UNC13C: variants seen among roughly 807,000 people sequenced by gnomAD.
UNC13C encodes unc-13 homolog C, also known as protein unc-13 homolog C.
In UNC13C, 174 loss-of-function variants were observed where a neutral mutation model predicts 245.4. The ratio of observed to expected loss-of-function variants is 0.71; its 90% CI spans 0.63 to 0.80. The LOEUF is 0.80. Ranked by LOEUF, UNC13C falls within the 30% of genes least tolerant of loss-of-function variation. The pLI is 0.00. For synonymous variants in UNC13C, 992 were observed against 895.1 expected (o/e 1.11, Z -1.93); for missense variants, 2,829 against 2,602.9 (o/e 1.09, Z -1.89).
At chr15:54,552,551 G>A (rs181757258) in intron 28 of UNC13C, among the ~76,000 whole-genome samples, 37,686 of 57,998 alleles carry the variant, frequency 0.65, 11,291 homozygotes, top group African/African-American at 0.83. Context: ...ATATTATATT[G>A]TATATAATTA....
intron 22 of UNC13C, among the ~76,000 whole-genome samples, chr15:54,504,506 C>G (rs114468753): frequency 3.5e-4 from 53 of 152,286 alleles, no homozygotes; most frequent in African/African-American, 1.2e-3. Flanking sequence ...AAACTATACT[C>G]ACTTCTCATT....
chr15:54,066,442 T>C (rs1436569226), intron 2 of UNC13C, among the ~76,000 whole-genome samples: 1 of 152,238 alleles, frequency 6.6e-6, no homozygotes, highest in Non-Finnish European at 1.5e-5. Flanking sequence ...TCAAACATTT[T>C]GTTTTTTCAG....
intron 5 of UNC13C, 112 bp downstream of exon 5, chr15:54,235,220 A>C: frequency 2.4e-6 from 2 of 844,252 alleles, no homozygotes. Context: ...ATGGAATAAA[A>C]ATATATGAGG....
intron 2 of UNC13C, among the ~76,000 whole-genome samples, chr15:54,104,959 TG>T (rs1287251191): frequency 5.9e-5 from 9 of 152,156 alleles, no homozygotes; most frequent in African/African-American, 2.2e-4. Context: ...TATATGTGTT[TG>T]TTTGAAAGTG....
At chr15:53,957,884 G>T in the UNC13C span, among the ~76,000 whole-genome samples, 2 of 152,156 alleles carry the variant, frequency 1.3e-5, no homozygotes, top group Admixed American at 6.5e-5. Context: ...TAGTCTAGAG[G>T]TTAACAGAGG....
rs2038501147 is a variant in UNC13C, at chr15:54,333,750, G to A, written c.4495-17G>A. 1 of 1,565,200 alleles carries A rather than the reference G, an allele frequency of 6.4e-7. No homozygotes were observed. Among genetic ancestry groups the A allele is most frequent in the Non-Finnish European group, 8.7e-7 (1 of 1,146,378 alleles). ...TACTGCTGACAACCTTATCCATTTT[G>A]TTTCCTAATTAACCAGGAAAACTTT... On this transcript the variant is annotated splice_polypyrimidine_tract_variant and intron_variant, in intron 15 of 32. Transcript: ENST00000260323.
At chr15:54,585,835 C>T (rs751973968) in intron 30 of UNC13C, among the ~76,000 whole-genome samples, 7 of 152,220 alleles carry the variant, frequency 4.6e-5, no homozygotes, top group Non-Finnish European at 1.0e-4. Context: ...TAAACAATAA[C>T]TTGTCCTCAA....
At chr15:54,089,591 A>G (rs1305356247) in intron 2 of UNC13C, among the ~76,000 whole-genome samples, 1 of 151,610 alleles carries the variant, frequency 6.6e-6, no homozygotes, top group Non-Finnish European at 1.5e-5. Context: ...TGGCCTTCCC[A>G]TGTTATTTTC....
intron 4 of UNC13C, among the ~76,000 whole-genome samples, chr15:54,149,889 T>C (rs2032441892): frequency 6.6e-6 from 1 of 152,226 alleles, no homozygotes; most frequent in Admixed American, 6.5e-5. Flanking sequence ...TTTGGTCATG[T>C]AAGTAACCTA....
intron 9 of UNC13C, 62 bp from the exon 10 acceptor site, chr15:54,265,293 T>C (rs2036524717): frequency 7.8e-7 from 1 of 1,284,578 alleles, no homozygotes; most frequent in African/African-American, 1.5e-5. Flanking sequence ...TTGTCTTTGT[T>C]ATTATTATTT....
intron 24 of UNC13C, among the ~76,000 whole-genome samples, chr15:54,517,614 G>C (rs1293150218): frequency 6.6e-6 from 1 of 152,050 alleles, no homozygotes; most frequent in Non-Finnish European, 1.5e-5. Context: ...ATGAAAAAAA[G>C]GTCTGAGCAC....
intron 19 of UNC13C, among the ~76,000 whole-genome samples, chr15:54,445,851 A>G (rs947913098): frequency 6.6e-6 from 1 of 152,070 alleles, no homozygotes; most frequent in African/African-American, 2.4e-5. Context: ...GGTGTTTTAG[A>G]CATGAAGTCC....
chr15:54,243,853 G>A (rs907827348), intron 7 of UNC13C, among the ~76,000 whole-genome samples: 1 of 151,980 alleles, frequency 6.6e-6, no homozygotes, highest in Non-Finnish European at 1.5e-5. Flanking sequence ...ATTTGTTTAA[G>A]TTCCTTATAG....
chr15:54,594,107 G>A (rs576800402), intron 30 of UNC13C, among the ~76,000 whole-genome samples: 32 of 152,258 alleles, frequency 2.1e-4, no homozygotes, highest in Non-Finnish European at 4.4e-4. Context: ...TCTGGGTCTA[G>A]CCACCCAGTG....
chr15:54,152,874 C>T (rs114617451), intron 4 of UNC13C, among the ~76,000 whole-genome samples: 340 of 151,854 alleles, frequency 2.2e-3, no homozygotes, highest in African/African-American at 7.8e-3. Context: ...AAAAGAGGAA[C>T]ACTGAGGGTG....
intron 8 of UNC13C, among the ~76,000 whole-genome samples, chr15:54,258,134 C>T (rs927062762): frequency 4.0e-5 from 6 of 151,776 alleles, no homozygotes; most frequent in African/African-American, 1.5e-4. Flanking sequence ...GTCCATCAGT[C>T]TCAAATGCAG....
chr15:54,213,970 T>C (rs1236132922), intron 4 of UNC13C, among the ~76,000 whole-genome samples: 1 of 151,898 alleles, frequency 6.6e-6, no homozygotes, highest in Non-Finnish European at 1.5e-5. Flanking sequence ...GGGAGAGAAA[T>C]AACACATTGC....
chr15:53,922,386 C>A, the UNC13C span, among the ~76,000 whole-genome samples: 1 of 152,164 alleles, frequency 6.6e-6, no homozygotes, highest in Non-Finnish European at 1.5e-5. Context: ...GAGAGACTTA[C>A]AAATGAATGG....
intron 17 of UNC13C, among the ~76,000 whole-genome samples, chr15:54,353,036 C>G (rs928523349): frequency 6.6e-6 from 1 of 152,120 alleles, no homozygotes; most frequent in Non-Finnish European, 1.5e-5. Flanking sequence ...TTTGAGCTTT[C>G]TGTCTCATAC....
Sources: allele counts gnomAD v4.1 joint callset (sites outside exome capture counted in the v4.1 genomes callset), GRCh38; gene constraint gnomAD v4.1.1; transcripts MANE v1.5; gene names NCBI Gene and HGNC (gene_info 2026-07-23, HGNC 2026-07-21).